Variants in DIAPH2 observed in about 807,000 individuals in gnomAD.
DIAPH2 encodes the protein protein diaphanous homolog 2.
A neutral mutation model predicts 92.7 loss-of-function variants in DIAPH2; 35 were observed. The ratio of observed to expected loss-of-function variants is 0.38; its 90% CI spans 0.29 to 0.50. The LOEUF is 0.50. DIAPH2 is among the 20% of genes least tolerant of loss of function. The pLI, the probability that DIAPH2 is intolerant of heterozygous loss-of-function variation, is 0.94. For missense variants in DIAPH2, 701 were observed against 819.5 expected (o/e 0.86, Z 1.77); for synonymous variants, 301 against 280.4 (o/e 1.07, Z -0.73).
At chrX:97,461,019 A>G (rs1383038901) in intron 26 of DIAPH2, among the ~76,000 whole-genome samples, 3 of 112,250 alleles carry the variant, frequency 2.7e-5, no homozygotes, top group Non-Finnish European at 5.6e-5. Context: ...TAATTCCAGA[A>G]TGTATGACCC....
chrX:97,045,519 G>T (rs2066475770), intron 17 of DIAPH2, among the ~76,000 whole-genome samples: 1 of 111,417 alleles, frequency 9.0e-6, no homozygotes, highest in African/African-American at 3.3e-5. Flanking sequence ...AAAATTACAG[G>T]ATAGAAGCCC....
intron 26 of DIAPH2, among the ~76,000 whole-genome samples, chrX:97,530,420 G>A (rs2071051946): frequency 9.0e-6 from 1 of 111,614 alleles, no homozygotes; most frequent in Admixed American, 9.5e-5. Flanking sequence ...TACCCTTTAG[G>A]AATTGGTATG....
chrX:97,457,864 C>T (rs1242255241), intron 26 of DIAPH2, among the ~76,000 whole-genome samples: 1 of 111,957 alleles, frequency 8.9e-6, no homozygotes, highest in Non-Finnish European at 1.9e-5. Context: ...AAACAGGGAA[C>T]GAGCCCTTAT....
intron 22 of DIAPH2, among the ~76,000 whole-genome samples, chrX:97,185,456 T>TAC (rs1569323308): frequency 1.1e-4 from 4 of 37,801 alleles, no homozygotes; most frequent in African/African-American, 8.8e-4. Context: ...TATGTGTGTG[T>TAC]ATATATATAT....
chrX:97,545,021 G>A (rs917885059), intron 26 of DIAPH2, among the ~76,000 whole-genome samples: 4 of 110,574 alleles, frequency 3.6e-5, no homozygotes, highest in East Asian at 5.7e-4. Context: ...GTGAGCCACC[G>A]CACTGGGCCC....
intron 26 of DIAPH2, among the ~76,000 whole-genome samples, chrX:97,508,411 A>T (rs2070852905): frequency 8.9e-6 from 1 of 112,410 alleles, no homozygotes; most frequent in Non-Finnish European, 1.9e-5. Context: ...ATTGAAACAT[A>T]CTACTGTATG....
chrX:97,515,785 G>A (rs2070941898), intron 26 of DIAPH2, among the ~76,000 whole-genome samples: 1 of 110,552 alleles, frequency 9.0e-6, no homozygotes. Context: ...GAAGGGCAAG[G>A]GGAAGGTGAG....
chrX:96,985,984 T>C (rs1280771409), intron 17 of DIAPH2, among the ~76,000 whole-genome samples: 1 of 110,824 alleles, frequency 9.0e-6, no homozygotes, highest in Admixed American at 9.6e-5. Flanking sequence ...CAAAATATGT[T>C]TTTTTTAATG....
At chrX:97,050,792 CTT>C (rs1354465100) in intron 17 of DIAPH2, among the ~76,000 whole-genome samples, 1 of 110,985 alleles carries the variant, frequency 9.0e-6, no homozygotes, top group African/African-American at 3.2e-5. Flanking sequence ...ATTTATTTCT[CTT>C]TTATTTTTTA....
chrX:97,551,411 G>A (rs2071218198), intron 26 of DIAPH2, among the ~76,000 whole-genome samples: 2 of 109,928 alleles, frequency 1.8e-5, no homozygotes, highest in South Asian at 8.0e-4. Flanking sequence ...CCAACATGGT[G>A]AAAACCCATC....
chrX:97,145,953 A>G (rs755861415), intron 22 of DIAPH2, among the ~76,000 whole-genome samples: 6 of 105,229 alleles, frequency 5.7e-5, no homozygotes, highest in African/African-American at 1.0e-4. Context: ...CTCTAAGACA[A>G]CTGACTGTCA....
rs766930140 is a variant in DIAPH2, at chrX:97,599,264, G to A, written c.3253G>A (p.Val1085Ile). The stretch of plus-strand genomic sequence containing the variant: ...TGTTTGTCTTACAGATAACAGACGA[G>A]TACCTTTGGAAAGGTCACGCTCTCG... ...RIPRNPDNRR[V>I]PLERSRSRHN... Residue 1085 changes from valine (V) to isoleucine (I), a missense_variant, in exon 27 of 27, where the codon GTA becomes ATA. Physicochemically the swap from Val to Ile is conservative, Grantham distance 29. Coordinates refer to ENST00000324765, the MANE Select transcript of DIAPH2 (RefSeq NM_006729.5). The A allele has an allele frequency of 1.7e-6, 2 of 1,192,790 alleles. No individual in the cohort carries two copies. Among genetic ancestry groups the A allele is most frequent in the South Asian group, 1.8e-5 (1 of 55,266 alleles).
intron 22 of DIAPH2, among the ~76,000 whole-genome samples, 169 bp from the exon 23 acceptor site, chrX:97,247,546 T>C (rs746246910): frequency 8.2e-4 from 91 of 111,399 alleles, no homozygotes; most frequent in African/African-American, 2.9e-3. Flanking sequence ...TTCATTTATT[T>C]CATGGAGAGT....
At chrX:96,810,288 ATG>A (rs1435887871) in intron 4 of DIAPH2, among the ~76,000 whole-genome samples, 34 of 111,977 alleles carry the variant, frequency 3.0e-4, no homozygotes, top group African/African-American at 1.1e-3. Flanking sequence ...GCATTTTTTC[ATG>A]TGTCTGTTGG....
intron 21 of DIAPH2, among the ~76,000 whole-genome samples, chrX:97,137,696 G>A (rs1172483475): frequency 1.8e-5 from 2 of 110,737 alleles, no homozygotes; most frequent in Non-Finnish European, 3.8e-5. Flanking sequence ...GCATGAAACT[G>A]CATGGTATGT....
chrX:97,238,439 C>T (rs967235188), intron 22 of DIAPH2, among the ~76,000 whole-genome samples: 2 of 111,899 alleles, frequency 1.8e-5, no homozygotes, highest in Non-Finnish European at 3.8e-5. Context: ...AAAAACTGCA[C>T]TTTCTTCCCA....
chrX:97,247,621 TA>T (rs773990783), intron 22 of DIAPH2, 93 bp from the exon 23 acceptor site: 926 of 802,568 alleles, frequency 1.2e-3, no homozygotes, highest in Admixed American at 1.5e-3. Flanking sequence ...TTCCCACATT[TA>T]AAAAAAAAGA....
At chrX:96,976,652 TTAAGTA>T (rs1364922649) in intron 17 of DIAPH2, among the ~76,000 whole-genome samples, 3 of 110,994 alleles carry the variant, frequency 2.7e-5, no homozygotes, top group South Asian at 7.7e-4. Context: ...ATGACGTTGT[TTAAGTA>T]TAAGTCACCA....
chrX:97,382,877 T>G lies in DIAPH2; in HGVS notation c.3010-1032T>G, dbSNP rs188560189. 3.6e-5 allele frequency among the ~76,000 whole-genome samples: 4 copies of G among 112,489 alleles called. No individual in the cohort carries two copies. The East Asian group carries it at 1.1e-3, about 31-fold the overall frequency. ...TCCAGGCAAAGCCTTGTAGACGTAT[T>G]CTCGTTATTGAGTCTTTTTCTTTAG... On this transcript the variant is annotated intron_variant, in intron 24 of 26. Transcript: ENST00000324765.
Sources: allele counts gnomAD v4.1 joint callset (sites outside exome capture counted in the v4.1 genomes callset), GRCh38; gene constraint gnomAD v4.1.1; transcripts MANE v1.5; gene names NCBI Gene and HGNC (gene_info 2026-07-23, HGNC 2026-07-21).